The following MED12L variants were observed in gnomAD, a reference collection of about 807,000 sequenced individuals.
MED12L encodes mediator complex subunit 12L, also known as mediator of RNA polymerase II transcription subunit 12-like protein.
A neutral mutation model predicts 281.3 loss-of-function variants in MED12L; 60 were observed. That is an observed-to-expected ratio of 0.21 (90% CI 0.17 to 0.26). The LOEUF is 0.26. Among genes scored for constraint, MED12L ranks in the 10% least tolerant of loss-of-function variants. The pLI, the probability that MED12L is intolerant of heterozygous loss-of-function variation, is 1.00. For missense variants in MED12L, 2,146 were observed against 2,680.9 expected (o/e 0.80, Z 4.41); for synonymous variants, 974 against 987.2 (o/e 0.99, Z 0.25).
At chr3:151,099,705 G>A (rs935695075) in intron 2 of MED12L, among the ~76,000 whole-genome samples, 1 of 151,458 alleles carries the variant, frequency 6.6e-6, no homozygotes, top group South Asian at 2.1e-4. Context: ...TGGGTAGGTA[G>A]ATCAATGGTG....
At chr3:151,304,468 G>C (rs762915020) in intron 16 of MED12L, among the ~76,000 whole-genome samples, 1 of 152,090 alleles carries the variant, frequency 6.6e-6, no homozygotes, top group Non-Finnish European at 1.5e-5. Context: ...CAGCTATTCG[G>C]GAGGCTGAGG....
chr3:151,160,609 C>T (rs1016205581), intron 8 of MED12L, among the ~76,000 whole-genome samples: 1 of 152,134 alleles, frequency 6.6e-6, no homozygotes, highest in Admixed American at 6.5e-5. Flanking sequence ...CAGTCCTGCC[C>T]TAGAGGAGCT....
intron 16 of MED12L, among the ~76,000 whole-genome samples, chr3:151,201,603 C>T (rs532753134): frequency 2.0e-5 from 3 of 152,300 alleles, no homozygotes; most frequent in South Asian, 2.1e-4. Context: ...ATCTTCTAAG[C>T]GCTCTGCATT....
At position 151,355,053 on chromosome 3, in the gene MED12L, G is replaced by A; in HGVS notation, c.2399-68G>A. The A allele has an allele frequency of 2.7e-6, 3 of 1,117,448 alleles. No homozygotes were observed. In the South Asian group the frequency reaches 3.9e-5, roughly 15 times the overall value. The allele number at this position is 1,117,448 out of a possible 1,614,324, so 69.2% of individuals were successfully genotyped here. A position where few individuals can be genotyped will look rare whatever the true frequency, so the allele number is the denominator to read the frequency against. On this transcript the variant is annotated intron_variant, in intron 17 of 44. Coordinates refer to ENST00000687756, the MANE Select transcript of MED12L (RefSeq NM_001393769.1). ...TATGTATGCTATACTTTAAAAAAAA[G>A]TATCCATTAAAAATGTCGAGAGCTT...
At chr3:151,362,117 C>T (rs1754683584) in intron 21 of MED12L, among the ~76,000 whole-genome samples, 2 of 151,986 alleles carry the variant, frequency 1.3e-5, no homozygotes, top group African/African-American at 4.8e-5. Context: ...AGAACCTGCC[C>T]ATTCTTCACC....
intron 16 of MED12L, among the ~76,000 whole-genome samples, chr3:151,278,066 T>C (rs1742188206): frequency 1.3e-5 from 2 of 152,230 alleles, no homozygotes; most frequent in African/African-American, 4.8e-5. Context: ...TCCTAAATCA[T>C]AAATGATAAT....
intron 43 of MED12L, among the ~76,000 whole-genome samples, chr3:151,422,906 T>C (rs1310658776): frequency 1.4e-5 from 2 of 145,350 alleles, no homozygotes; most frequent in African/African-American, 2.5e-5. Flanking sequence ...TTAATGAAAA[T>C]ATATTTTTTT....
At chr3:151,397,081 G>A (rs1438910004) in intron 39 of MED12L, among the ~76,000 whole-genome samples, 2 of 151,818 alleles carry the variant, frequency 1.3e-5, no homozygotes, top group African/African-American at 2.4e-5. Flanking sequence ...TTCTTTTTCT[G>A]ATTCTTTTGT....
At chr3:151,430,196 G>A in intron 43 of MED12L, 103 bp from the exon 44 acceptor site, 2 of 1,534,502 alleles carry the variant, frequency 1.3e-6, no homozygotes, top group Non-Finnish European at 8.9e-7. Context: ...TTCGTGAAGT[G>A]TTGAGAAGTA....
intron 16 of MED12L, among the ~76,000 whole-genome samples, chr3:151,222,480 A>G (rs1729561431): frequency 6.6e-6 from 1 of 151,908 alleles, no homozygotes; most frequent in Non-Finnish European, 1.5e-5. Context: ...GAATTATGGG[A>G]GTAGATCTTT....
chr3:151,393,119 A>G (rs1041084043), intron 38 of MED12L, among the ~76,000 whole-genome samples: 5 of 152,260 alleles, frequency 3.3e-5, no homozygotes, highest in African/African-American at 9.6e-5. Context: ...AATCTCACTC[A>G]TTTTAGAGGT....
At chr3:151,429,661 C>G (rs1203255680) in intron 43 of MED12L, among the ~76,000 whole-genome samples, 2 of 152,070 alleles carry the variant, frequency 1.3e-5, no homozygotes, top group African/African-American at 4.8e-5. Flanking sequence ...GCATGTGGTC[C>G]CCTATATTGT....
intron 43 of MED12L, among the ~76,000 whole-genome samples, chr3:151,421,889 G>A (rs1032427198): frequency 4.6e-5 from 7 of 152,162 alleles, no homozygotes; most frequent in Admixed American, 1.3e-4. Flanking sequence ...CTAGAGAAGA[G>A]GGTGGTAAGG....
chr3:151,275,915 G>C (rs1741774682), intron 16 of MED12L, among the ~76,000 whole-genome samples: 1 of 152,060 alleles, frequency 6.6e-6, no homozygotes, highest in Non-Finnish European at 1.5e-5. Flanking sequence ...GGTGATGGTG[G>C]GGAGGCTATG....
In MED12L at chr3:151,198,550, G is replaced by A. The variant is rs1725024017; in HGVS notation, c.2250+4884G>A. 3 of 1,614,060 alleles carry A rather than the reference G, an allele frequency of 1.9e-6. No individual in the cohort carries two copies. The highest frequency in any genetic ancestry group is 1.7e-5 in the Admixed American group (1 of 60,024). The stretch of plus-strand genomic sequence containing the variant: ...GGTGATAGTACAGGATAGGATCAAA[G>A]CACAGGTTCGACACAGCCAGGAGCA... On this transcript the variant is annotated intron_variant, in intron 16 of 44. Coordinates refer to ENST00000687756, the MANE Select transcript of MED12L (RefSeq NM_001393769.1).
chr3:151,290,562 T>G (rs550805518), intron 16 of MED12L, among the ~76,000 whole-genome samples: 18 of 152,182 alleles, frequency 1.2e-4, no homozygotes, highest in Non-Finnish European at 2.5e-4. Flanking sequence ...TTTAAAATTT[T>G]TCTATAAGTT....
chr3:151,110,188 C>T (rs1233461209), intron 2 of MED12L, among the ~76,000 whole-genome samples: 1 of 152,178 alleles, frequency 6.6e-6, no homozygotes, highest in East Asian at 1.9e-4. Flanking sequence ...CATGCTGTTC[C>T]AAAATTTGGA....
In MED12L at chr3:151,192,562, A is replaced by G; in HGVS notation, c.1981A>G (p.Met661Val). Residue 661 changes from methionine to valine, a missense_variant, in exon 15 of 45, where the codon ATG becomes GTG. Physicochemically the swap from Met to Val is conservative, Grantham distance 21. Around this residue, in one of 9 missense-constraint regions of MED12L, gnomAD observed 722 missense variants for 861.2 expected, o/e 0.84. Coordinates refer to ENST00000687756, the MANE Select transcript of MED12L (RefSeq NM_001393769.1). ...HDVKMEEQSIMAHMGIDSGTT... is the reference protein window; with the variant it reads ...HDVKMEEQSIVAHMGIDSGTT... ...TGGCGATTATCAGGAACAGAGTATTATGGCGCATATGGGCATTGACTCAGG... is the reference window on the plus strand; with the variant it reads ...TGGCGATTATCAGGAACAGAGTATTGTGGCGCATATGGGCATTGACTCAGG... The G allele has an allele frequency of 1.2e-5, 18 of 1,534,188 alleles. No individual in the cohort carries two copies. Among genetic ancestry groups the G allele is most frequent in the Non-Finnish European group, 1.6e-5 (18 of 1,145,060 alleles).
chr3:151,306,182 C>T (rs192610839), intron 16 of MED12L, among the ~76,000 whole-genome samples: 2 of 152,220 alleles, frequency 1.3e-5, no homozygotes, highest in Non-Finnish European at 2.9e-5. Flanking sequence ...TTCCCTTCTT[C>T]TGTGTCTCTC....
Sources: gnomAD v4.1 joint callset for allele counts (sites outside exome capture counted in the v4.1 genomes callset) on GRCh38, gnomAD v4.1.1 for gene constraint, gnomAD v4.1.1 regional missense constraint, MANE v1.5 for transcripts, NCBI Gene and HGNC (gene_info 2026-07-23, HGNC 2026-07-21) for gene names.